The following PPM1H variants were observed in gnomAD, a reference collection of about 807,000 sequenced individuals.
PPM1H encodes the protein protein phosphatase, Mg2+/Mn2+ dependent 1H, also known as protein phosphatase 1H.
In PPM1H, 27 loss-of-function variants were observed where a neutral mutation model predicts 54.9. The ratio of observed to expected loss-of-function variants is 0.49; its 90% CI spans 0.36 to 0.68. The LOEUF (loss-of-function observed/expected upper bound fraction) is 0.68. Among genes scored for constraint, PPM1H ranks in the 30% least tolerant of loss-of-function variants. PPM1H has a pLI of 0.00. For missense variants in PPM1H, 596 were observed against 667.8 expected, an observed-to-expected ratio of 0.89 and a Z score of 1.19; for synonymous variants, 305 against 270.8, an observed-to-expected ratio of 1.13 and a Z score of -1.24.
At chr12:62,712,562 G>A (rs762785510) in intron 6 of PPM1H, among the ~76,000 whole-genome samples, 29 of 152,228 alleles carry the variant, frequency 1.9e-4, no homozygotes, top group Non-Finnish European at 3.1e-4. Context: ...AAATGCCAGA[G>A]ACATCTGCAG....
At chr12:62,736,984 T>C (rs1405072087) in intron 5 of PPM1H, among the ~76,000 whole-genome samples, 2 of 152,170 alleles carry the variant, frequency 1.3e-5, no homozygotes, top group Non-Finnish European at 2.9e-5. Context: ...ATTTTCAGGA[T>C]AGAAACAGAT....
intron 1 of PPM1H, among the ~76,000 whole-genome samples, chr12:62,924,213 T>TG (rs200251837): frequency 0.027 from 4,042 of 150,968 alleles, 50 homozygotes; most frequent in Middle Eastern, 0.038. Flanking sequence ...AGGCCCAGAG[T>TG]GGGGGGGGCA....
At chr12:62,655,813 C>T (rs2075841215) in intron 9 of PPM1H, among the ~76,000 whole-genome samples, 2 of 152,166 alleles carry the variant, frequency 1.3e-5, no homozygotes, top group Non-Finnish European at 2.9e-5. Flanking sequence ...GTTTGAAATG[C>T]CCACTCCTAA....
At chr12:62,752,230 T>C (rs1047053277) in intron 4 of PPM1H, among the ~76,000 whole-genome samples, 2 of 152,240 alleles carry the variant, frequency 1.3e-5, no homozygotes, top group Non-Finnish European at 2.9e-5. Flanking sequence ...TTATAGATTA[T>C]TAGTGATGCT....
chr12:62,823,700 C>T (rs61104483), intron 2 of PPM1H, among the ~76,000 whole-genome samples: 2 of 152,108 alleles, frequency 1.3e-5, no homozygotes, highest in African/African-American at 4.8e-5. Context: ...ATTCAACAGC[C>T]CTTCATGCTA....
At chr12:62,792,347 C>T (rs928095555) in intron 3 of PPM1H, among the ~76,000 whole-genome samples, 2 of 152,198 alleles carry the variant, frequency 1.3e-5, no homozygotes, top group African/African-American at 4.8e-5. Context: ...TTATTTCTTT[C>T]ACCTTTTTCT....
chr12:62,828,475 C>A (rs1474202919), intron 2 of PPM1H, among the ~76,000 whole-genome samples: 1 of 152,176 alleles, frequency 6.6e-6, no homozygotes, highest in Non-Finnish European at 1.5e-5. Flanking sequence ...CCAAATGTCA[C>A]CTTCTCAGTG....
At chr12:62,900,151 C>G (rs1421909991) in intron 1 of PPM1H, among the ~76,000 whole-genome samples, 1 of 152,248 alleles carries the variant, frequency 6.6e-6, no homozygotes, top group East Asian at 1.9e-4. Flanking sequence ...GCTGTAGTCT[C>G]AGTTCTGCCA....
At chr12:62,769,053 C>T (rs1183720684) in intron 4 of PPM1H, among the ~76,000 whole-genome samples, 1 of 152,180 alleles carries the variant, frequency 6.6e-6, no homozygotes, top group Non-Finnish European at 1.5e-5. Flanking sequence ...ATCTCTCTTC[C>T]AAGTACATTC....
At chr12:62,741,718 C>T (rs558944353) in intron 4 of PPM1H, among the ~76,000 whole-genome samples, 6 of 152,224 alleles carry the variant, frequency 3.9e-5, no homozygotes, top group South Asian at 2.1e-4. Flanking sequence ...TGAACTACCC[C>T]GCGGATATTT....
intron 4 of PPM1H, among the ~76,000 whole-genome samples, chr12:62,767,781 G>T (rs1157461338): frequency 1.3e-5 from 2 of 152,196 alleles, no homozygotes; most frequent in African/African-American, 4.8e-5. Context: ...CCTTCTGAAG[G>T]CTCTGCAGAA....
chr12:62,756,453 A>T (rs1187873648), intron 4 of PPM1H, among the ~76,000 whole-genome samples: 1 of 152,136 alleles, frequency 6.6e-6, no homozygotes, highest in Non-Finnish European at 1.5e-5. Context: ...AAAATTGTAC[A>T]TAAGTAACAT....
intron 4 of PPM1H, among the ~76,000 whole-genome samples, chr12:62,754,840 G>C (rs532089292): frequency 6.6e-5 from 10 of 152,156 alleles, no homozygotes; most frequent in South Asian, 4.1e-4. Context: ...AAAAACAGTC[G>C]AAATGTAACA....
chr12:62,745,169 T>C (rs2076403320), intron 4 of PPM1H, among the ~76,000 whole-genome samples: 1 of 152,116 alleles, frequency 6.6e-6, no homozygotes, highest in Non-Finnish European at 1.5e-5. Flanking sequence ...GTTATGGAAG[T>C]GGGAGAGAAA....
At chr12:62,745,809 G>A (rs1364345578) in intron 4 of PPM1H, among the ~76,000 whole-genome samples, 2 of 139,226 alleles carry the variant, frequency 1.4e-5, no homozygotes, top group Non-Finnish European at 3.0e-5. Context: ...AGTATAAGAA[G>A]AGGTTCCAAG....
chr12:62,703,545 T>C (rs2076155923), intron 6 of PPM1H, among the ~76,000 whole-genome samples: 1 of 151,988 alleles, frequency 6.6e-6, no homozygotes, highest in Non-Finnish European at 1.5e-5. Flanking sequence ...CACAGAAACA[T>C]CTTCGGTCCC....
Position 62,680,241 on chromosome 12 carries a change from T to TCTCTTTCC in PPM1H, c.1245+9450_1245+9457dup, listed in dbSNP as rs55752529. Among the ~76,000 whole-genome samples, 741 of 152,072 alleles carry TCTCTTTCC rather than the reference T, an allele frequency of 4.9e-3. 3 individuals carry two copies. The highest frequency in any genetic ancestry group is 8.1e-3 in the Non-Finnish European group (551 of 67,956). ...TTCTCCCTTTCTCTCTCTCTCTCTT[T>TCTCTTTCC]CTCTTTCCCTCTTTCCTCTTTCCCC... is the stretch of plus-strand genomic sequence containing the variant. On this transcript the variant is annotated intron_variant, in intron 8 of 9. Transcript: ENST00000228705.
At chr12:62,799,407 C>T (rs1336910430) in intron 3 of PPM1H, among the ~76,000 whole-genome samples, 1 of 152,168 alleles carries the variant, frequency 6.6e-6, no homozygotes, top group Non-Finnish European at 1.5e-5. Context: ...AAAATCTCAA[C>T]GTTTCCTTTA....
At chr12:62,673,722 T>C (rs945843902) in intron 8 of PPM1H, among the ~76,000 whole-genome samples, 1 of 78,556 alleles carries the variant, frequency 1.3e-5, no homozygotes, top group Non-Finnish European at 2.4e-5. Context: ...ACTCTTTTTT[T>C]TTTTTTTTTT....
Sources: gnomAD v4.1 joint callset for allele counts (sites outside exome capture counted in the v4.1 genomes callset) on GRCh38, gnomAD v4.1.1 for gene constraint, MANE v1.5 for transcripts, NCBI Gene and HGNC (gene_info 2026-07-23, HGNC 2026-07-21) for gene names.